The following B4GALNT4 variants were observed in gnomAD, a reference collection of about 807,000 sequenced individuals.
The protein encoded by B4GALNT4 is N-acetyl-beta-glucosaminyl-glycoprotein 4-beta-N-acetylgalactosaminyltransferase 1.
A neutral mutation model predicts 110.0 loss-of-function variants in B4GALNT4; 77 were observed. That is an observed-to-expected ratio of 0.70 (90% confidence interval 0.58 to 0.85). The LOEUF is 0.85. Among genes scored for constraint, B4GALNT4 ranks in the 40% least tolerant of loss-of-function variants. The pLI, the probability that B4GALNT4 is intolerant of heterozygous loss-of-function variation, is 0.00. For synonymous variants in B4GALNT4, 785 were observed against 655.5 expected, an observed-to-expected ratio of 1.20 and a Z score of -3.02; for missense variants, 1,575 against 1,506.0, an observed-to-expected ratio of 1.05 and a Z score of -0.76.
At position 369,963 on chromosome 11, in the gene B4GALNT4, C is replaced by CG. The variant is rs1184377652; in HGVS notation, c.151+15dup. 3 of 258,818 alleles carry CG rather than the reference C, an allele frequency of 1.2e-5. No individual in the cohort carries two copies. The highest frequency in any genetic ancestry group is 3.6e-4 in the East Asian group (1 of 2,764). 16.0% of individuals were successfully genotyped at this position (258,818 alleles called of 1,614,324 possible). ...CCTGGGCTACGGGCGAGGTACGGCG[C>CG]GGGGGGCGCGGGGGGCGCGGGGGGC... is the stretch of plus-strand genomic sequence containing the variant. On this transcript the variant is annotated intron_variant, in intron 1 of 19. Transcript: ENST00000329962.
At position 375,520 on chromosome 11, in the gene B4GALNT4, G is replaced by C. The variant is rs1846725750; in HGVS notation, c.843G>C (p.Leu281=). The C allele has an allele frequency of 6.2e-7, 1 of 1,610,948 alleles. No homozygotes were observed. The highest frequency in any genetic ancestry group is 1.1e-5 in the South Asian group (1 of 91,086). The change falls in exon 9 of 20, where the codon CTG becomes CTC. Residue 281 remains leucine, a synonymous_variant. Coordinates refer to ENST00000329962, the MANE Select transcript of B4GALNT4 (RefSeq NM_178537.5). ...TCATCAGCTCTGCTCACATCTCCCT[G>C]TACACAGGTGCGAGCGGACGCCTCT... ...FEVISSAHIS[L]YTDESALKMD... is the part of the protein sequence containing the mutation.
chr11:373,302 C>T lies in B4GALNT4; in HGVS notation c.636+11C>T. 1 of 1,605,824 alleles carries T rather than the reference C, an allele frequency of 6.2e-7. No homozygotes were observed. On this transcript the variant is annotated intron_variant, in intron 6 of 19. Coordinates refer to ENST00000329962, the MANE Select transcript of B4GALNT4 (RefSeq NM_178537.5). ...GCCTTTGTGGGCAAGGTACCCCCAC[C>T]CCAGCCCTGGTGTCGTCCCGGGCCT...
rs766063000 is a variant in B4GALNT4 at position 379,637 on chromosome 11, C to G, written c.2424C>G (p.Pro808=). 1.0e-4 allele frequency: 155 copies of G among 1,510,064 alleles called. No individual in the cohort carries two copies. Among genetic ancestry groups the G allele is most frequent in the Non-Finnish European group, 1.3e-4 (149 of 1,133,456 alleles). 93.5% of individuals were successfully genotyped at this position (1,510,064 alleles called of 1,614,324 possible). ...CCTCCGTGCGCCCCGACGGCCGCCC[C>G]GAGCTCTGCCGGCCACTGCGCCTGG... ...PAASVRPDGR[P]ELCRPLRLAW... is the part of the protein sequence containing the mutation. Residue 808 remains proline (P), a synonymous_variant, in exon 15 of 20, where the codon CCC becomes CCG. Transcript: ENST00000329962.
intron 1 of B4GALNT4, among the ~76,000 whole-genome samples, chr11:371,047 A>G (rs7120441): frequency 0.31 from 47,361 of 152,060 alleles, 7,548 homozygotes; most frequent in East Asian, 0.42. Flanking sequence ...GACACAGAAC[A>G]AAACCAGCCC....
chr11:380,894 T>A lies in B4GALNT4; in HGVS notation c.2939T>A (p.Met980Lys). The change falls in exon 19 of 20, where the codon ATG (methionine) becomes AAG (lysine). Residue 980 changes from methionine (M) to lysine (K), a missense_variant. Met to Lys is a moderately conservative substitution (Grantham distance 95). Coordinates refer to ENST00000329962, the MANE Select transcript of B4GALNT4 (RefSeq NM_178537.5). ...YKSDFDRVGG[M>K]NTEEFRDQWG... ...TCGGACTTTGACCGGGTTGGAGGAA[T>A]GAACACGGAGGAGTTCCGAGACCAG... The A allele has an allele frequency of 6.2e-7, 1 of 1,613,678 alleles. No homozygotes were observed. Among genetic ancestry groups the A allele is most frequent in the Non-Finnish European group, 8.5e-7 (1 of 1,179,840 alleles).
At chr11:371,577 G>A (rs199884396) in intron 1 of B4GALNT4, among the ~76,000 whole-genome samples, 76 of 152,368 alleles carry the variant, frequency 5.0e-4, no homozygotes, top group African/African-American at 1.6e-3. Flanking sequence ...ATGCCTGGGC[G>A]TCAGCATCCA....
rs774476599 is a variant in B4GALNT4, at chr11:375,709, T to A, written c.921T>A (p.Arg307=). Reference sequence around the variant, plus strand: ...CTCCAGCCAGCCACGTGGGGGGGCGTCCGCCGCAGGAGGAGACCAGCGCAG... The same window carrying A: ...CTCCAGCCAGCCACGTGGGGGGGCGACCGCCGCAGGAGGAGACCAGCGCAG... ...PQSPASHVGG[R]PPQEETSADM... The change falls in exon 10 of 20, where the codon CGT becomes CGA. Residue 307 remains arginine, a synonymous_variant. Coordinates refer to ENST00000329962, the MANE Select transcript of B4GALNT4 (RefSeq NM_178537.5). 3 of 1,594,250 alleles carry A rather than the reference T, an allele frequency of 1.9e-6. No individual in the cohort carries two copies. The Admixed American group carries it at 5.0e-5, about 27-fold the overall frequency.
In B4GALNT4 at chr11:382,017, G is replaced by A; in HGVS notation, c.*225G>A. The A allele has an allele frequency of 2.3e-6, 1 of 441,092 alleles. No homozygotes were observed. Among genetic ancestry groups the A allele is most frequent in the Non-Finnish European group, 3.9e-6 (1 of 253,404 alleles). 27.3% of individuals were successfully genotyped at this position (441,092 alleles called of 1,614,324 possible). On this transcript the variant is annotated 3_prime_UTR_variant, in exon 20 of 20. Transcript: ENST00000329962. Reference sequence around the variant, plus strand: ...GTCCCCACTCTGCGATGATTTCTGTGAAATTTTGCTGTAGCGATGACATTG... The same window carrying A: ...GTCCCCACTCTGCGATGATTTCTGTAAAATTTTGCTGTAGCGATGACATTG...
chr11:372,424 G>A (rs1846633306), intron 2 of B4GALNT4, among the ~76,000 whole-genome samples: 1 of 152,084 alleles, frequency 6.6e-6, no homozygotes, highest in South Asian at 2.1e-4. Flanking sequence ...GCAGGTGCAT[G>A]AATGTGCCGG....
chr11:374,352 C>T (rs193145161), intron 8 of B4GALNT4, among the ~76,000 whole-genome samples: 287 of 150,914 alleles, frequency 1.9e-3, no homozygotes, highest in African/African-American at 6.2e-3. Flanking sequence ...TGGGGATGGA[C>T]GGGGGAAGGC....
Position 373,530 on chromosome 11 carries a change from G to A in B4GALNT4, c.704+14G>A, listed in dbSNP as rs770326089. On this transcript the variant is annotated intron_variant, in intron 7 of 19. Coordinates refer to ENST00000329962, the MANE Select transcript of B4GALNT4 (RefSeq NM_178537.5). ...CAAGCCCAGGCGGTGAGTGACTGTG[G>A]GGTGCATGTGCGTGCACTTGTGTAT... 6.2e-7 allele frequency: 1 copy of A among 1,611,750 alleles called. No individual in the cohort carries two copies. The highest frequency in any genetic ancestry group is 1.1e-5 in the South Asian group (1 of 91,078).
intron 16 of B4GALNT4, 42 bp downstream of exon 16, chr11:380,061 T>G (rs1215182125): frequency 2.5e-6 from 4 of 1,601,464 alleles, no homozygotes; most frequent in Non-Finnish European, 3.4e-6. Context: ...CAGCGCAGCT[T>G]TCCTCCCCGG....
At chr11:373,904 TC>T (rs1230242356) in intron 8 of B4GALNT4, 76 bp downstream of exon 8, 50 of 1,441,600 alleles carry the variant, frequency 3.5e-5, no homozygotes, top group Non-Finnish European at 4.3e-5. Flanking sequence ...CGCAATGGGG[TC>T]CCCGTCCCAA....
chr11:375,586 G>A (rs1846727690), intron 9 of B4GALNT4, 53 bp from the exon 10 acceptor site: 2 of 1,602,160 alleles, frequency 1.2e-6, no homozygotes, highest in Admixed American at 1.7e-5. Context: ...GGGTGTGAGT[G>A]GGAAGAGTGG....
Position 376,992 on chromosome 11 carries a change from G to T in B4GALNT4, c.1869G>T (p.Arg623=). ...TVDSNLSSEA[R]PVTSFLSLSQ... is the part of the protein sequence containing the mutation. ...ACTCAAACTTGTCCTCCGAAGCGCG[G>T]CCCGTGACCTCCTTCCTGAGCTTGT... The change falls in exon 14 of 20, where the codon CGG becomes CGT. Residue 623 remains arginine (R), a synonymous_variant. Coordinates refer to ENST00000329962, the MANE Select transcript of B4GALNT4 (RefSeq NM_178537.5). The T allele has an allele frequency of 6.9e-7, 1 of 1,455,174 alleles. No individual in the cohort carries two copies. Among genetic ancestry groups the T allele is most frequent in the Non-Finnish European group, 9.0e-7 (1 of 1,109,334 alleles). The allele number at this position is 1,455,174 out of a possible 1,614,324, so 90.1% of individuals were successfully genotyped here.
chr11:376,520 C>A lies in B4GALNT4; in HGVS notation c.1397C>A (p.Ala466Asp), dbSNP rs566849763. 3.6e-5 allele frequency: 53 copies of A among 1,479,582 alleles called. No individual in the cohort carries two copies. Among genetic ancestry groups the A allele is most frequent in the South Asian group, 1.7e-4 (13 of 76,116 alleles). 91.7% of individuals were successfully genotyped at this position (1,479,582 alleles called of 1,614,324 possible). ...RSGPQSPAPAAPAQPGATLAP... is the reference protein window; with the variant it reads ...RSGPQSPAPADPAQPGATLAP... ...GGCCCCCAGTCCCCCGCCCCAGCAG[C>A]CCCCGCCCAGCCCGGAGCCACCCTC... is the stretch of plus-strand genomic sequence containing the variant. The change falls in exon 14 of 20, where the codon GCC becomes GAC. Residue 466 changes from alanine (A) to aspartate (D), a missense_variant. Transcript: ENST00000329962.
At position 375,974 on chromosome 11, in the gene B4GALNT4, C is replaced by A. The variant is rs773817569; in HGVS notation, c.1095+18C>A. ...TGCAATTTGTGAGTGCGGCTGGAGA[C>A]CCCGTCTCCCGTCCGGGACTCCGCG... On this transcript the variant is annotated intron_variant, in intron 11 of 19. Transcript: ENST00000329962. 3.7e-6 allele frequency: 6 copies of A among 1,608,774 alleles called. No homozygotes were observed. The African/African-American group carries it at 8.0e-5, about 22-fold the overall frequency.
chr11:376,389 C>G (rs777606289), intron 13 of B4GALNT4, 32 bp from the exon 14 acceptor site: 10 of 1,602,940 alleles, frequency 6.2e-6, no homozygotes, highest in South Asian at 5.5e-5. Flanking sequence ...CACCCACCTG[C>G]GCAGGGAGCT....
chr11:378,773 G>A lies in B4GALNT4; in HGVS notation c.2205-645G>A, dbSNP rs76828604. 2.3e-4 allele frequency among the ~76,000 whole-genome samples: 35 copies of A among 152,296 alleles called. No homozygotes were observed. In the East Asian group the frequency reaches 5.6e-3, roughly 24 times the overall value. The stretch of plus-strand genomic sequence containing the variant: ...CCAGGAACGGGCTCCCAGCATGGAA[G>A]CAGCCTCCTCCACTCAGGGATCAGG... On this transcript the variant is annotated intron_variant, in intron 14 of 19. Transcript: ENST00000329962.
Sources: gnomAD v4.1 joint callset for allele counts (sites outside exome capture counted in the v4.1 genomes callset) on GRCh38, gnomAD v4.1.1 for gene constraint, MANE v1.5 for transcripts, NCBI Gene and HGNC (gene_info 2026-07-23, HGNC 2026-07-21) for gene names.